Variants in GABRA3 observed in about 807,000 individuals in gnomAD.
The protein encoded by GABRA3 is gamma-aminobutyric acid type A receptor subunit alpha3, also known as gamma-aminobutyric acid receptor subunit alpha-3.
Under a neutral mutation model 30.1 loss-of-function variants are expected in GABRA3, and 10 were observed. The observed-to-expected ratio is 0.33, with a 90% CI of 0.20 to 0.56. The LOEUF (loss-of-function observed/expected upper bound fraction) is 0.56, where lower values mean the gene tolerates loss of function less well. Among genes scored for constraint, GABRA3 ranks in the 20% least tolerant of loss-of-function variants. The pLI, the probability that GABRA3 is intolerant of heterozygous loss-of-function variation, is 0.89. For synonymous variants in GABRA3, 151 were observed against 146.8 expected (o/e 1.03, Z -0.21); for missense variants, 233 against 392.0 (o/e 0.59, Z 3.42).
intron 1 of GABRA3, among the ~76,000 whole-genome samples, chrX:152,373,855 C>G (rs1242712842): frequency 3.8e-5 from 4 of 106,207 alleles, no homozygotes; most frequent in Non-Finnish European, 1.9e-5. Context: ...TCAATTCTCA[C>G]CCATGAGTGA....
intron 5 of GABRA3, among the ~76,000 whole-genome samples, chrX:152,250,250 C>T (rs897639952): frequency 9.0e-6 from 1 of 111,370 alleles, no homozygotes; most frequent in African/African-American, 3.3e-5. Context: ...TATTGTGCAG[C>T]TATCTGTGCA....
chrX:152,356,516 CTTTA>C (rs1332035604), intron 2 of GABRA3, among the ~76,000 whole-genome samples: 1 of 111,470 alleles, frequency 9.0e-6, no homozygotes, highest in Non-Finnish European at 1.9e-5. Flanking sequence ...ATATTGGATC[CTTTA>C]TTTATGGCAA....
At chrX:152,191,716 T>G (rs1937327305) in intron 8 of GABRA3, among the ~76,000 whole-genome samples, 1 of 110,043 alleles carries the variant, frequency 9.1e-6, no homozygotes, top group South Asian at 4.0e-4. Flanking sequence ...CGTAGTACCT[T>G]ACTTATATAT....
intron 4 of GABRA3, among the ~76,000 whole-genome samples, chrX:152,275,158 T>TTA (rs752493127): frequency 1.9e-4 from 15 of 79,948 alleles, no homozygotes; most frequent in African/African-American, 6.2e-4. Flanking sequence ...ATATTTAATA[T>TTA]TATATATATA....
intron 9 of GABRA3, among the ~76,000 whole-genome samples, chrX:152,186,295 C>A (rs1036307812): frequency 4.5e-5 from 5 of 110,640 alleles, no homozygotes; most frequent in Non-Finnish European, 9.4e-5. Flanking sequence ...CGACTCACTG[C>A]AACCTCCACC....
chrX:152,218,003 G>A (rs1408309882), intron 6 of GABRA3, among the ~76,000 whole-genome samples: 1 of 105,082 alleles, frequency 9.5e-6, no homozygotes, highest in African/African-American at 3.4e-5. Flanking sequence ...CCTTCTGCTT[G>A]CTTTGGATTT....
intron 4 of GABRA3, among the ~76,000 whole-genome samples, chrX:152,257,707 GC>G (rs1385524182): frequency 1.8e-5 from 2 of 112,356 alleles, no homozygotes; most frequent in African/African-American, 6.5e-5. Flanking sequence ...TTCACATAAA[GC>G]CAAGAATCTG....
At chrX:152,276,026 T>C (rs996359752) in intron 4 of GABRA3, among the ~76,000 whole-genome samples, 2 of 110,407 alleles carry the variant, frequency 1.8e-5, no homozygotes, top group African/African-American at 6.6e-5. Flanking sequence ...ATTAATAACA[T>C]TAACATATTA....
At chrX:152,409,507 C>A (rs1226435372) in intron 1 of GABRA3, among the ~76,000 whole-genome samples, 4 of 111,334 alleles carry the variant, frequency 3.6e-5, no homozygotes, top group Non-Finnish European at 7.5e-5. Flanking sequence ...GCAAACAAAG[C>A]AAAAATGGAC....
At chrX:152,273,664 C>T (rs139268998) in intron 4 of GABRA3, among the ~76,000 whole-genome samples, 18 of 111,844 alleles carry the variant, frequency 1.6e-4, no homozygotes, top group African/African-American at 2.6e-4. Flanking sequence ...GAGGTCATTA[C>T]GTTATGTAAA....
intron 4 of GABRA3, among the ~76,000 whole-genome samples, chrX:152,274,461 T>A (rs1939005532): frequency 9.0e-6 from 1 of 110,763 alleles, no homozygotes; most frequent in South Asian, 3.8e-4. Context: ...AGGTTTTACA[T>A]CCTACAGATC....
chrX:152,240,723 T>C (rs1320123139), intron 5 of GABRA3, among the ~76,000 whole-genome samples: 1 of 100,890 alleles, frequency 9.9e-6, no homozygotes, highest in African/African-American at 4.0e-5. Flanking sequence ...TAAACTTCCC[T>C]TCTCGCTTCA....
chrX:152,230,215 C>T (rs950006976), intron 5 of GABRA3, among the ~76,000 whole-genome samples: 13 of 111,197 alleles, frequency 1.2e-4, no homozygotes, highest in African/African-American at 4.2e-4. Flanking sequence ...TTGTACACTT[C>T]AAGAGGATAA....
At chrX:152,282,041 A>G (rs925517930) in intron 4 of GABRA3, among the ~76,000 whole-genome samples, 5 of 112,059 alleles carry the variant, frequency 4.5e-5, no homozygotes, top group Non-Finnish European at 9.4e-5. Flanking sequence ...TTATACCTTC[A>G]TGGAGCTTTT....
chrX:152,381,132 C>T (rs1229167683), intron 1 of GABRA3, among the ~76,000 whole-genome samples: 1 of 111,902 alleles, frequency 8.9e-6, no homozygotes, highest in Admixed American at 9.5e-5. Flanking sequence ...ACACAAAAGC[C>T]CTGACCAGCA....
chrX:152,235,508 G>C (rs1317796245), intron 5 of GABRA3, among the ~76,000 whole-genome samples: 1 of 111,228 alleles, frequency 9.0e-6, no homozygotes, highest in Admixed American at 9.6e-5. Context: ...ACAAACAATT[G>C]TCAGAACTAA....
intron 1 of GABRA3, among the ~76,000 whole-genome samples, chrX:152,401,792 A>T (rs943553263): frequency 3.6e-5 from 4 of 111,677 alleles, no homozygotes; most frequent in African/African-American, 1.3e-4. Flanking sequence ...TAATTTCACA[A>T]AGGGTCTGCT....
chrX:152,351,961 A>G (rs556482584), intron 2 of GABRA3, among the ~76,000 whole-genome samples: 11 of 111,572 alleles, frequency 9.9e-5, no homozygotes, highest in African/African-American at 3.3e-4. Context: ...AGCAAACACA[A>G]TATTTACCGA....
intron 9 of GABRA3, among the ~76,000 whole-genome samples, chrX:152,171,998 C>A (rs1937009176): frequency 9.0e-6 from 1 of 111,606 alleles, no homozygotes; most frequent in African/African-American, 3.3e-5. Flanking sequence ...TGGTCCAGTG[C>A]CTCTGTGTCA....
Sources: allele counts gnomAD v4.1 joint callset (sites outside exome capture counted in the v4.1 genomes callset), GRCh38; gene constraint gnomAD v4.1.1; transcripts MANE v1.5; gene names NCBI Gene and HGNC (gene_info 2026-07-23, HGNC 2026-07-21).